RAB38: variants seen among roughly 807,000 people sequenced by gnomAD.
RAB38 encodes the protein ras-related protein Rab-38.
A neutral mutation model predicts 18.4 loss-of-function variants in RAB38; 15 were observed. The observed-to-expected ratio is 0.82, with a 90% CI of 0.55 to 1.26. The LOEUF is 1.26. RAB38 is among the 50% of genes most tolerant of loss of function. The probability of loss-of-function intolerance (pLI) is 0.00; values close to 1 mark genes in which losing one functional copy is unlikely to be tolerated. For missense variants in RAB38, 294 were observed against 267.4 expected (o/e 1.10, Z -0.69); for synonymous variants, 101 against 104.4 (o/e 0.97, Z 0.20).
At chr11:87,891,343 G>A in the RAB38 span, among the ~76,000 whole-genome samples, 1 of 151,804 alleles carries the variant, frequency 6.6e-6, no homozygotes, top group Non-Finnish European at 1.5e-5. Flanking sequence ...CCCTGACCCT[G>A]AATCTAATGT....
intron 2 of RAB38, among the ~76,000 whole-genome samples, chr11:88,146,320 T>C (rs1423865242): frequency 1.3e-5 from 2 of 152,208 alleles, no homozygotes; most frequent in African/African-American, 4.8e-5. Context: ...GGATTTCTGC[T>C]GGATGTGCCC....
the RAB38 span, among the ~76,000 whole-genome samples, chr11:88,035,092 TTC>T: frequency 2.0e-5 from 3 of 152,318 alleles, no homozygotes; most frequent in East Asian, 5.8e-4. Flanking sequence ...TTGAGGACAT[TTC>T]TCTTTTTTTG....
chr11:87,961,761 C>T, the RAB38 span, among the ~76,000 whole-genome samples: 1 of 152,260 alleles, frequency 6.6e-6, no homozygotes, highest in East Asian at 1.9e-4. Flanking sequence ...AGCCACAGAC[C>T]AAATACTACA....
the RAB38 span, among the ~76,000 whole-genome samples, chr11:87,920,650 C>A: frequency 6.6e-6 from 1 of 151,976 alleles, no homozygotes; most frequent in South Asian, 2.1e-4. Context: ...TCTATTAGGT[C>A]CATTTGGTCT....
chr11:88,022,624 A>AAC, the RAB38 span, among the ~76,000 whole-genome samples: 1,907 of 150,348 alleles, frequency 0.013, 61 homozygotes, highest in African/African-American at 0.044. Flanking sequence ...AAAAAAAAAA[A>AAC]AAAAAAAACA....
chr11:88,027,654 G>A, the RAB38 span, among the ~76,000 whole-genome samples: 1 of 150,472 alleles, frequency 6.6e-6, no homozygotes, highest in South Asian at 2.1e-4. Flanking sequence ...CTGCAAGGCG[G>A]CAGCGAGGCT....
chr11:87,969,902 C>A, the RAB38 span, among the ~76,000 whole-genome samples: 2 of 152,084 alleles, frequency 1.3e-5, no homozygotes, highest in African/African-American at 4.8e-5. Flanking sequence ...GAAGCAGAAA[C>A]AGCCCCATAT....
chr11:87,890,506 C>G, the RAB38 span, among the ~76,000 whole-genome samples: 2 of 151,976 alleles, frequency 1.3e-5, no homozygotes, highest in Admixed American at 6.6e-5. Flanking sequence ...TTTCATGTTT[C>G]ATGGACTTCT....
At position 88,118,072 on chromosome 11, in the gene RAB38, T is replaced by A. The variant is rs548749189; in HGVS notation, c.484-3932A>T. ...AGAATAAATACTAATATTTACCACATGTTTACTACAAAAGGCAAGACGTAT... is the reference window on the plus strand; with the variant it reads ...AGAATAAATACTAATATTTACCACAAGTTTACTACAAAAGGCAAGACGTAT... On this transcript the variant is annotated intron_variant, in intron 2 of 2. Transcript: ENST00000243662. Among the ~76,000 whole-genome samples, 3 of 152,174 alleles carry A rather than the reference T, an allele frequency of 2.0e-5. No individual in the cohort carries two copies. In the South Asian group the frequency reaches 6.2e-4, roughly 32 times the overall value.
At chr11:88,087,220 G>C in the RAB38 span, among the ~76,000 whole-genome samples, 4,730 of 152,004 alleles carry the variant, frequency 0.031, 160 homozygotes, top group East Asian at 0.15. Flanking sequence ...GACCTCACCT[G>C]CTACTTAGTC....
At chr11:87,923,961 G>T in the RAB38 span, among the ~76,000 whole-genome samples, 1 of 134,980 alleles carries the variant, frequency 7.4e-6, no homozygotes, top group Non-Finnish European at 1.6e-5. Flanking sequence ...AGAGAAAATT[G>T]AAAAAAAAAA....
chr11:88,118,400 C>T (rs1365140080), intron 2 of RAB38, among the ~76,000 whole-genome samples: 1 of 152,168 alleles, frequency 6.6e-6, no homozygotes, highest in African/African-American at 2.4e-5. Context: ...ATAATCAGAC[C>T]CTGCCTGATA....
chr11:87,891,749 A>G, the RAB38 span, among the ~76,000 whole-genome samples: 1 of 151,908 alleles, frequency 6.6e-6, no homozygotes, highest in Non-Finnish European at 1.5e-5. Context: ...GTTGTAGAAC[A>G]CTATAGATAG....
In RAB38 at chr11:88,173,612, G is replaced by A. The variant is rs1006656559; in HGVS notation, c.202+1571C>T. Reference sequence around the variant, plus strand: ...AAGTCCAAATTACAGCTACATCCCCGTTTAAACAGTAAGCCGTTTCTAAAT... The same window carrying A: ...AAGTCCAAATTACAGCTACATCCCCATTTAAACAGTAAGCCGTTTCTAAAT... On this transcript the variant is annotated intron_variant, in intron 1 of 2. Coordinates refer to ENST00000243662, the MANE Select transcript of RAB38 (RefSeq NM_022337.3). 11 of 985,234 alleles carry A rather than the reference G, an allele frequency of 1.1e-5. No individual in the cohort carries two copies. In the South Asian group the frequency reaches 3.8e-4, roughly 34 times the overall value. 61.0% of individuals were successfully genotyped at this position (985,234 alleles called of 1,614,324 possible). A position where few individuals can be genotyped will look rare whatever the true frequency, so the allele number is the denominator to read the frequency against.
At chr11:88,160,870 G>A (rs117210243) in intron 1 of RAB38, among the ~76,000 whole-genome samples, 2,404 of 152,026 alleles carry the variant, frequency 0.016, 23 homozygotes, top group Non-Finnish European at 0.024. Context: ...AAAAACTATT[G>A]GGTACTATAC....
the RAB38 span, among the ~76,000 whole-genome samples, chr11:87,958,654 G>A: frequency 3.9e-5 from 6 of 152,106 alleles, no homozygotes; most frequent in African/African-American, 1.4e-4. Flanking sequence ...GAGATTTCAG[G>A]AATCATTGTC....
the RAB38 span, among the ~76,000 whole-genome samples, chr11:87,837,791 G>T: frequency 2.0e-5 from 3 of 152,196 alleles, no homozygotes; most frequent in Non-Finnish European, 4.4e-5. Flanking sequence ...TAAAGTCTTT[G>T]CATTTTCCAT....
chr11:88,124,699 A>G (rs1413678973), intron 2 of RAB38, among the ~76,000 whole-genome samples: 1 of 152,212 alleles, frequency 6.6e-6, no homozygotes, highest in Non-Finnish European at 1.5e-5. Flanking sequence ...CACTTAGAAT[A>G]TGTTATATAA....
chr11:88,046,005 C>T, the RAB38 span, among the ~76,000 whole-genome samples: 7 of 152,100 alleles, frequency 4.6e-5, no homozygotes, highest in African/African-American at 1.7e-4. Context: ...ACAGCCACAC[C>T]TCACTGCCAC....
Sources: gnomAD v4.1 joint callset for allele counts (sites outside exome capture counted in the v4.1 genomes callset) on GRCh38, gnomAD v4.1.1 for gene constraint, MANE v1.5 for transcripts, NCBI Gene and HGNC (gene_info 2026-07-23, HGNC 2026-07-21) for gene names.